DDHD1: variants seen among roughly 807,000 people sequenced by gnomAD.
The protein encoded by DDHD1 is phospholipase DDHD1.
Under a neutral mutation model 96.4 loss-of-function variants are expected in DDHD1, and 49 were observed. The ratio of observed to expected loss-of-function variants is 0.51; its 90% CI spans 0.40 to 0.64. The LOEUF is 0.64. DDHD1 is among the 30% of genes least tolerant of loss of function. DDHD1 has a pLI of 0.00. For synonymous variants in DDHD1, 442 were observed against 446.5 expected, an observed-to-expected ratio of 0.99 and a Z score of 0.13; for missense variants, 1,106 against 1,161.2, an observed-to-expected ratio of 0.95 and a Z score of 0.69.
chr14:53,109,699 C>G (rs1368467127), intron 1 of DDHD1, among the ~76,000 whole-genome samples: 7 of 152,148 alleles, frequency 4.6e-5, no homozygotes, highest in African/African-American at 1.4e-4. Flanking sequence ...AGAAGCTCAT[C>G]TCATTTAACA....
Position 53,137,752 on chromosome 14 carries a change from A to G in DDHD1, c.838+14509T>C, listed in dbSNP as rs1177751660. Among the ~76,000 whole-genome samples the G allele has an allele frequency of 2.6e-5, 4 of 152,186 alleles. No individual in the cohort carries two copies. In the East Asian group the frequency reaches 7.7e-4, roughly 29 times the overall value. On this transcript the variant is annotated intron_variant, in intron 1 of 12. Transcript: ENST00000673822. ...AGGATGAACAGAAAAATAAATTTGG[A>G]GAATAGCCAAATTTGATGAAAGTGA...
At chr14:53,120,895 A>G (rs1888932029) in intron 1 of DDHD1, among the ~76,000 whole-genome samples, 1 of 152,246 alleles carries the variant, frequency 6.6e-6, no homozygotes, top group Non-Finnish European at 1.5e-5. Context: ...ATGGACAAAG[A>G]CTTCATGAAT....
At chr14:53,144,635 T>G (rs1890854854) in intron 1 of DDHD1, among the ~76,000 whole-genome samples, 1 of 152,180 alleles carries the variant, frequency 6.6e-6, no homozygotes, top group Admixed American at 6.5e-5. Context: ...TTACTGAAGG[T>G]CTAAGTAGGT....
intron 1 of DDHD1, among the ~76,000 whole-genome samples, chr14:53,124,025 A>C (rs1889226984): frequency 6.6e-6 from 1 of 152,080 alleles, no homozygotes; most frequent in Non-Finnish European, 1.5e-5. Context: ...TGAGGTCAGG[A>C]GTTCGAGACC....
chr14:53,048,213 T>C (rs564636561), intron 12 of DDHD1, among the ~76,000 whole-genome samples: 13 of 152,348 alleles, frequency 8.5e-5, no homozygotes, highest in African/African-American at 2.6e-4. Flanking sequence ...TCTTACAAGG[T>C]ATGTTCATAA....
At chr14:53,119,410 T>C (rs1888812504) in intron 1 of DDHD1, among the ~76,000 whole-genome samples, 1 of 152,182 alleles carries the variant, frequency 6.6e-6, no homozygotes, top group Admixed American at 6.5e-5. Flanking sequence ...TCTGAAACTA[T>C]TTCAATCAAT....
chr14:53,089,907 A>C (rs1054088613), intron 4 of DDHD1, among the ~76,000 whole-genome samples: 1 of 152,244 alleles, frequency 6.6e-6, no homozygotes, highest in Admixed American at 6.5e-5. Flanking sequence ...TCTGCACAGC[A>C]AGAGAAACTA....
chr14:53,111,183 C>T (rs936076152), intron 1 of DDHD1, among the ~76,000 whole-genome samples: 3 of 151,912 alleles, frequency 2.0e-5, no homozygotes, highest in Non-Finnish European at 2.9e-5. Context: ...TGGCCGGGCG[C>T]GGTGGCTCAC....
chr14:53,106,107 T>C (rs541924892), intron 1 of DDHD1, among the ~76,000 whole-genome samples: 2 of 152,340 alleles, frequency 1.3e-5, no homozygotes, highest in African/African-American at 4.8e-5. Flanking sequence ...TTGTGGAGAA[T>C]AATCTTAATT....
chr14:53,068,183 A>G (rs1239805124), intron 6 of DDHD1, among the ~76,000 whole-genome samples: 4 of 149,956 alleles, frequency 2.7e-5, no homozygotes, highest in Non-Finnish European at 5.9e-5. Context: ...ATTTAGCTAC[A>G]TGTCTCTTTA....
rs2139782457 is a variant in DDHD1 at position 53,039,574 on chromosome 14, G to A, written c.*7194C>T. 1 of 152,416 alleles carries A rather than the reference G, an allele frequency of 6.6e-6. No individual in the cohort carries two copies. The highest frequency in any genetic ancestry group is 2.1e-4 in the South Asian group (1 of 4,832). The allele number at this position is 152,416 out of a possible 1,614,324, so 9.4% of individuals were successfully genotyped here. A position where few individuals can be genotyped will look rare whatever the true frequency, so the allele number is the denominator to read the frequency against. Reference sequence around the variant, plus strand: ...ATTCAAGACATGGAATTGGCTAGGAGAGGATCCAAAAGGAGGGGAAACAGG... The same window carrying A: ...ATTCAAGACATGGAATTGGCTAGGAAAGGATCCAAAAGGAGGGGAAACAGG... On this transcript the variant is annotated 3_prime_UTR_variant, in exon 13 of 13. Coordinates refer to ENST00000673822, the MANE Select transcript of DDHD1 (RefSeq NM_001160148.2).
At chr14:53,080,685 T>A (rs532509453) in intron 4 of DDHD1, among the ~76,000 whole-genome samples, 1 of 151,290 alleles carries the variant, frequency 6.6e-6, no homozygotes, top group African/African-American at 2.4e-5. Context: ...AAATCCCTAA[T>A]ACTTGTATAA....
At chr14:53,055,400 T>G (rs1882956356) in intron 10 of DDHD1, among the ~76,000 whole-genome samples, 1 of 152,208 alleles carries the variant, frequency 6.6e-6, no homozygotes, top group Admixed American at 6.5e-5. Context: ...GGACCAAGAT[T>G]AAAATGAGGG....
Position 53,044,459 on chromosome 14 carries a change from A to G in DDHD1, c.*2309T>C, listed in dbSNP as rs552391021. On this transcript the variant is annotated 3_prime_UTR_variant, in exon 13 of 13. Coordinates refer to ENST00000673822, the MANE Select transcript of DDHD1 (RefSeq NM_001160148.2). ...GCTCTTCATATTCTAGTGGTTAAGA[A>G]TAAATCCCTTCAAGTTCTTATGCAT... 2.3e-4 allele frequency: 35 copies of G among 152,322 alleles called. No homozygotes were observed. The highest frequency in any genetic ancestry group is 8.4e-4 in the African/African-American group (35 of 41,576). The allele number at this position is 152,322 out of a possible 1,614,324, so 9.4% of individuals were successfully genotyped here.
At chr14:53,081,248 G>A (rs756850228) in intron 4 of DDHD1, among the ~76,000 whole-genome samples, 6 of 152,076 alleles carry the variant, frequency 3.9e-5, no homozygotes, top group Non-Finnish European at 7.4e-5. Flanking sequence ...ATAAGTAATC[G>A]CATAAACATT....
intron 1 of DDHD1, among the ~76,000 whole-genome samples, chr14:53,144,460 T>C (rs1208657872): frequency 2.0e-5 from 3 of 152,254 alleles, no homozygotes; most frequent in Non-Finnish European, 4.4e-5. Flanking sequence ...AACCACACTG[T>C]GCTTTCTTTC....
intron 2 of DDHD1, among the ~76,000 whole-genome samples, chr14:53,099,483 A>G (rs977853100): frequency 4.6e-5 from 7 of 152,162 alleles, no homozygotes; most frequent in South Asian, 2.1e-4. Context: ...ACTGCTGGTC[A>G]GTCAGTTATT....
Position 53,055,763 on chromosome 14 carries a change from C to G in DDHD1, c.2142G>C (p.Glu714Asp), listed in dbSNP as rs199864462. The G allele has an allele frequency of 6.2e-7, 1 of 1,614,098 alleles. No homozygotes were observed. The highest frequency in any genetic ancestry group is 2.2e-5 in the East Asian group (1 of 44,862). The change falls in exon 10 of 13, where the codon GAG (glutamate) becomes GAC (aspartate). Residue 714 changes from glutamate (E) to aspartate (D), a missense_variant. By Grantham distance (45) the Glu-to-Asp change is conservative. Transcript: ENST00000673822. ...NPAKEPTSVS[E>D]NEGISTIPSP... ...TTGGTATGGTTGAAATGCCTTCATT[C>G]TCTGAAACTGAGGTAGGTTCTTTAG...
intron 1 of DDHD1, chr14:53,149,910 A>G (rs931989342): frequency 2.6e-5 from 4 of 152,216 alleles, no homozygotes; most frequent in Non-Finnish European, 5.9e-5. Flanking sequence ...ATGTAAGTAT[A>G]AAGAACCTTC....
Sources: gnomAD v4.1 joint callset for allele counts (sites outside exome capture counted in the v4.1 genomes callset) on GRCh38, gnomAD v4.1.1 for gene constraint, MANE v1.5 for transcripts, NCBI Gene and HGNC (gene_info 2026-07-23, HGNC 2026-07-21) for gene names.